DDX60: variants seen among roughly 807,000 people sequenced by gnomAD.
DDX60 encodes the protein probable ATP-dependent RNA helicase DDX60.
In DDX60, 165 loss-of-function variants were observed where a neutral mutation model predicts 212.8. The ratio of observed to expected loss-of-function variants is 0.78; its 90% CI spans 0.68 to 0.88. The LOEUF is 0.88. Ranked by LOEUF, DDX60 falls within the 40% of genes least tolerant of loss-of-function variation. DDX60 has a pLI of 0.00. For synonymous variants in DDX60, 703 were observed against 685.3 expected (o/e 1.03, Z -0.40); for missense variants, 1,905 against 2,003.9 (o/e 0.95, Z 0.94).
intron 24 of DDX60, 86 bp downstream of exon 24, chr4:168,261,914 A>G: frequency 6.9e-7 from 1 of 1,440,858 alleles, no homozygotes; most frequent in South Asian, 1.4e-5. Context: ...GAGGATTAAA[A>G]AAAATCAGAA....
Position 168,267,646 on chromosome 4 carries a change from G to T in DDX60, c.2975C>A (p.Ser992Ter). The change falls in exon 22 of 38, where the codon TCA (serine) becomes TAA (stop). Residue 992 changes from serine to a stop codon, truncating the protein, a stop_gained. Coordinates refer to ENST00000393743, the MANE Select transcript of DDX60 (RefSeq NM_017631.6). LOFTEE classifies it high-confidence loss of function. ...RYNDLEKHVCSIKHGDIHFDH... is the reference protein window; with the variant it reads ...RYNDLEKHVC ...AAAATGAATGTCACCATGTTTTATT[G>T]AACATACATGCTTCTCTAGATCATT... 6.2e-7 allele frequency: 1 copy of T among 1,603,380 alleles called. No homozygotes were observed. Among genetic ancestry groups the T allele is most frequent in the South Asian group, 1.1e-5 (1 of 88,418 alleles).
intron 28 of DDX60, among the ~76,000 whole-genome samples, chr4:168,249,253 A>C (rs1364194689): frequency 6.6e-6 from 1 of 152,162 alleles, no homozygotes; most frequent in African/African-American, 2.4e-5. Flanking sequence ...ACTGAGCAGA[A>C]AAGGAGCAGG....
chr4:168,297,277 G>GAGAGAC (rs1380444883), intron 6 of DDX60, among the ~76,000 whole-genome samples: 16 of 133,790 alleles, frequency 1.2e-4, no homozygotes, highest in African/African-American at 5.0e-4. Context: ...GAAAAAGAAA[G>GAGAGAC]AAAGAAAGAG....
intron 6 of DDX60, among the ~76,000 whole-genome samples, 188 bp downstream of exon 6, chr4:168,302,112 T>C (rs536652828): frequency 1.3e-5 from 2 of 152,360 alleles, no homozygotes; most frequent in South Asian, 4.1e-4. Flanking sequence ...GAATAAGGTC[T>C]AAAGTTTAGT....
intron 26 of DDX60, 78 bp from the exon 27 acceptor site, chr4:168,252,734 G>A: frequency 8.5e-7 from 1 of 1,182,406 alleles, no homozygotes; most frequent in South Asian, 1.5e-5. Context: ...GGCCACCAGA[G>A]GATGCCCAAG....
In DDX60 at chr4:168,308,059, A is replaced by G. The variant is rs780378113; in HGVS notation, c.211T>C (p.Tyr71His). ...NLHFFYLVER[Y>H]LVDLISKGGQ... ...CCTTTGCTAATAAGATCCACAAGAT[A>G]GCGTTCAACCAGATAGAAGAAATGG... Residue 71 changes from tyrosine to histidine, a missense_variant, in exon 4 of 38, where the codon TAT becomes CAT. Transcript: ENST00000393743. The G allele has an allele frequency of 1.2e-6, 2 of 1,610,872 alleles. No individual in the cohort carries two copies. Among genetic ancestry groups the G allele is most frequent in the Non-Finnish European group, 8.5e-7 (1 of 1,179,470 alleles).
At chr4:168,301,136 T>C (rs1317889162) in intron 6 of DDX60, among the ~76,000 whole-genome samples, 2 of 152,008 alleles carry the variant, frequency 1.3e-5, no homozygotes, top group Non-Finnish European at 2.9e-5. Context: ...TATATAAAAA[T>C]TGAACAAAAA....
chr4:168,303,311 A>T (rs1736731996), intron 5 of DDX60, among the ~76,000 whole-genome samples: 1 of 151,944 alleles, frequency 6.6e-6, no homozygotes, highest in East Asian at 1.9e-4. Flanking sequence ...CCAAAAAAAA[A>T]AAAAAATACT....
At chr4:168,297,704 G>A (rs1736466915) in intron 6 of DDX60, among the ~76,000 whole-genome samples, 1 of 151,564 alleles carries the variant, frequency 6.6e-6, no homozygotes, top group Admixed American at 6.6e-5. Context: ...AGGAGTTCGA[G>A]ACCAGCCTAG....
chr4:168,216,448 C>T lies in DDX60; in HGVS notation c.*485G>A, dbSNP rs1185754274. 1.3e-5 allele frequency: 2 copies of T among 152,244 alleles called. No homozygotes were observed. Among genetic ancestry groups the T allele is most frequent in the Admixed American group, 6.6e-5 (1 of 15,266 alleles). The allele number at this position is 152,244 out of a possible 1,614,324, so 9.4% of individuals were successfully genotyped here. On this transcript the variant is annotated 3_prime_UTR_variant, in exon 38 of 38. Transcript: ENST00000393743. ...TTACTAGAAAGTACTATCTCAATAG[C>T]TGTATAGCTAACTTATGTAAATCAT...
At chr4:168,239,033 T>G (rs989404240) in intron 30 of DDX60, among the ~76,000 whole-genome samples, 3 of 152,150 alleles carry the variant, frequency 2.0e-5, no homozygotes, top group Admixed American at 2.0e-4. Flanking sequence ...CAGATTTGGA[T>G]AGATGTATCC....
rs1274929019 is a variant in DDX60, at chr4:168,275,274, A to G, written c.2304+71T>C. The G allele has an allele frequency of 1.3e-5, 17 of 1,353,460 alleles. No homozygotes were observed. The East Asian group carries it at 3.9e-4, about 31-fold the overall frequency. The allele number at this position is 1,353,460 out of a possible 1,614,324, so 83.8% of individuals were successfully genotyped here. A position where few individuals can be genotyped will look rare whatever the true frequency, so the allele number is the denominator to read the frequency against. On this transcript the variant is annotated intron_variant, in intron 16 of 37. Transcript: ENST00000393743. ...CATCAAATATAACATGTACAGCCAC[A>G]ATAATGAGAAACCTCTGAGATCACA...
chr4:168,297,581 T>C (rs1736460249), intron 6 of DDX60, among the ~76,000 whole-genome samples: 2 of 151,868 alleles, frequency 1.3e-5, no homozygotes, highest in Admixed American at 1.3e-4. Context: ...AAAATAATAG[T>C]GGAAATGAAA....
chr4:168,261,059 A>C, intron 24 of DDX60, 70 bp from the exon 25 acceptor site: 1 of 1,499,512 alleles, frequency 6.7e-7, no homozygotes, highest in South Asian at 1.2e-5. Flanking sequence ...TTTTTGCTAA[A>C]ATATTTTCAT....
At chr4:168,219,170 T>C (rs1408706781) in intron 37 of DDX60, among the ~76,000 whole-genome samples, 1 of 151,556 alleles carries the variant, frequency 6.6e-6, no homozygotes, top group African/African-American at 2.4e-5. Context: ...TATACACCTG[T>C]AGTCCCAGCT....
intron 30 of DDX60, among the ~76,000 whole-genome samples, chr4:168,239,144 T>C (rs1440292025): frequency 1.8e-4 from 27 of 152,130 alleles, no homozygotes; most frequent in Non-Finnish European, 5.9e-5. Context: ...TTACTGAATG[T>C]CTACATCAGA....
At chr4:168,218,545 A>G (rs1000455231) in intron 37 of DDX60, among the ~76,000 whole-genome samples, 23 of 152,164 alleles carry the variant, frequency 1.5e-4, no homozygotes, top group African/African-American at 5.3e-4. Flanking sequence ...TGCCACATAT[A>G]TAATCCGCAT....
chr4:168,225,152 G>A (rs976653909), intron 34 of DDX60, among the ~76,000 whole-genome samples: 1 of 151,990 alleles, frequency 6.6e-6, no homozygotes. Flanking sequence ...CTAATAAGTA[G>A]CAGAACCAGA....
intron 13 of DDX60, among the ~76,000 whole-genome samples, chr4:168,280,985 C>A (rs1735567892): frequency 6.6e-6 from 1 of 151,948 alleles, no homozygotes; most frequent in Non-Finnish European, 1.5e-5. Context: ...ACTAAAAATA[C>A]AAAAATTAGC....
Sources: gnomAD v4.1 joint callset for allele counts (sites outside exome capture counted in the v4.1 genomes callset) on GRCh38, gnomAD v4.1.1 for gene constraint, MANE v1.5 for transcripts, NCBI Gene and HGNC (gene_info 2026-07-23, HGNC 2026-07-21) for gene names.